Variants in VAV3 observed in about 807,000 individuals in gnomAD.
The protein encoded by VAV3 is vav guanine nucleotide exchange factor 3.
A neutral mutation model predicts 131.2 loss-of-function variants in VAV3; 94 were observed. The observed-to-expected ratio is 0.72, with a 90% CI of 0.61 to 0.85. The LOEUF (loss-of-function observed/expected upper bound fraction) is 0.85, where lower values mean the gene tolerates loss of function less well. Ranked by LOEUF, VAV3 falls within the 40% of genes least tolerant of loss-of-function variation. The pLI, the probability that VAV3 is intolerant of heterozygous loss-of-function variation, is 0.00. For synonymous variants in VAV3, 349 were observed against 342.0 expected (o/e 1.02, Z -0.22); for missense variants, 939 against 1,002.7 (o/e 0.94, Z 0.86).
chr1:107,672,706 G>C (rs1657908134), intron 19 of VAV3, among the ~76,000 whole-genome samples: 1 of 152,074 alleles, frequency 6.6e-6, no homozygotes, highest in African/African-American at 2.4e-5. Flanking sequence ...TGAATAGAAA[G>C]AGGGAGTAAG....
intron 1 of VAV3, among the ~76,000 whole-genome samples, chr1:107,908,321 C>T (rs1447047471): frequency 6.6e-6 from 1 of 152,150 alleles, no homozygotes; most frequent in Non-Finnish European, 1.5e-5. Flanking sequence ...CACTGTAGGG[C>T]TATAGGTGGC....
rs773013553 is a variant in VAV3 at position 107,874,959 on chromosome 1, A to G, written c.263T>C (p.Met88Thr). 6.2e-7 allele frequency: 1 copy of G among 1,613,448 alleles called. No homozygotes were observed. The highest frequency in any genetic ancestry group is 1.1e-5 in the South Asian group (1 of 91,076). ...TGCCTCGAAAAGTTCACTTTTCCTC[A>G]TTCCAAACGTCTCACAACAGGCCGT... ...FLTACCETFGMRKSELFEAFD... is the reference protein window; with the variant it reads ...FLTACCETFGTRKSELFEAFD... The change falls in exon 2 of 27, where the codon ATG becomes ACG. Residue 88 changes from methionine to threonine, a missense_variant. Coordinates refer to ENST00000370056, the MANE Select transcript of VAV3 (RefSeq NM_006113.5).
intron 2 of VAV3, among the ~76,000 whole-genome samples, chr1:107,793,564 G>A (rs1022702572): frequency 3.3e-5 from 5 of 152,176 alleles, no homozygotes; most frequent in Admixed American, 1.3e-4. Context: ...ACAAGGGAAC[G>A]GCTGAGTGGC....
chr1:107,575,184 G>T (rs979558808), intron 25 of VAV3, among the ~76,000 whole-genome samples: 4 of 152,236 alleles, frequency 2.6e-5, no homozygotes, highest in South Asian at 2.1e-4. Context: ...GCTCTTTGGG[G>T]TTATAAAGTG....
Position 107,718,175 on chromosome 1 carries a change from C to T in VAV3, c.1503-13114G>A, listed in dbSNP as rs577417886. Among the ~76,000 whole-genome samples the T allele has an allele frequency of 5.9e-5, 9 of 152,276 alleles. No individual in the cohort carries two copies. In the South Asian group the frequency reaches 1.9e-3, roughly 32 times the overall value. On this transcript the variant is annotated intron_variant, in intron 15 of 26. Coordinates refer to ENST00000370056, the MANE Select transcript of VAV3 (RefSeq NM_006113.5). ...ACAGGGATGCCCTCTCTCACCACTC[C>T]TATTCAACATACTGTTGGAAGTTCT...
chr1:107,750,823 A>G (rs1176977196), intron 13 of VAV3, among the ~76,000 whole-genome samples: 2 of 152,086 alleles, frequency 1.3e-5, no homozygotes, highest in Non-Finnish European at 1.5e-5. Flanking sequence ...TTATGTTTTT[A>G]TGGTAGTTAT....
At chr1:107,751,702 A>G (rs12129687) in intron 12 of VAV3, among the ~76,000 whole-genome samples, 51,252 of 151,930 alleles carry the variant, frequency 0.34, 9,082 homozygotes, top group East Asian at 0.5. Flanking sequence ...TTTGGTCTAT[A>G]AAGTCCAGGC....
At chr1:107,751,397 G>T (rs898159494) in intron 12 of VAV3, among the ~76,000 whole-genome samples, 195 bp from the exon 13 acceptor site, 5 of 152,158 alleles carry the variant, frequency 3.3e-5, no homozygotes, top group African/African-American at 1.2e-4. Flanking sequence ...AATCCCAGGG[G>T]GTATGTCAAG....
intron 20 of VAV3, among the ~76,000 whole-genome samples, chr1:107,627,772 T>C (rs1375584895): frequency 2.0e-5 from 3 of 152,122 alleles, no homozygotes; most frequent in African/African-American, 4.8e-5. Context: ...CACATTTAAA[T>C]CTGACAGATG....
intron 7 of VAV3, among the ~76,000 whole-genome samples, chr1:107,767,569 C>A (rs1664803513): frequency 6.6e-6 from 1 of 152,178 alleles, no homozygotes; most frequent in African/African-American, 2.4e-5. Context: ...AAATCAGGGA[C>A]AAGGATGACA....
At chr1:107,574,538 G>T (rs1033921120) in intron 25 of VAV3, among the ~76,000 whole-genome samples, 1 of 152,184 alleles carries the variant, frequency 6.6e-6, no homozygotes, top group African/African-American at 2.4e-5. Flanking sequence ...TAAGGAGATA[G>T]ATTCTAAAAT....
intron 15 of VAV3, among the ~76,000 whole-genome samples, chr1:107,706,542 CATTTTTGTGTTACTG>C: frequency 6.6e-6 from 1 of 152,106 alleles, no homozygotes; most frequent in East Asian, 1.9e-4. Context: ...TCCATGGAGG[CATTTTTGTGTTACTG>C]ATTAAAAATT....
chr1:107,587,432 T>C (rs752750559), intron 25 of VAV3, among the ~76,000 whole-genome samples: 8 of 152,148 alleles, frequency 5.3e-5, no homozygotes, highest in Admixed American at 1.3e-4. Flanking sequence ...AAACTGGGAA[T>C]TTCTCCCCAT....
intron 1 of VAV3, among the ~76,000 whole-genome samples, chr1:107,947,444 G>C (rs562035833): frequency 6.6e-6 from 1 of 152,182 alleles, no homozygotes; most frequent in Non-Finnish European, 1.5e-5. Context: ...AAGATCAGAG[G>C]ATGGTGTGGG....
chr1:107,835,831 C>T (rs1668454558), intron 2 of VAV3, among the ~76,000 whole-genome samples: 1 of 152,178 alleles, frequency 6.6e-6, no homozygotes, highest in African/African-American at 2.4e-5. Flanking sequence ...TGGACATACT[C>T]CACAACCCAT....
At chr1:107,575,000 TGCGCGCGCGC>T (rs1219875000) in intron 25 of VAV3, among the ~76,000 whole-genome samples, 2 of 103,858 alleles carry the variant, frequency 1.9e-5, no homozygotes, top group African/African-American at 7.5e-5. Context: ...TGTGCGTGCG[TGCGCGCGCGC>T]GCGCGCACAC....
chr1:107,589,940 A>C lies in VAV3; in HGVS notation c.2350+6272T>G, dbSNP rs150429946. On this transcript the variant is annotated intron_variant, in intron 25 of 26. Coordinates refer to ENST00000370056, the MANE Select transcript of VAV3 (RefSeq NM_006113.5). ...GAATAAGAATGCTACTTTATGTTCT[A>C]CTGAGTTAAATAAATACGACACAAA... Among the ~76,000 whole-genome samples the C allele has an allele frequency of 8.5e-5, 13 of 152,314 alleles. No homozygotes were observed. In the East Asian group the frequency reaches 2.1e-3, roughly 25 times the overall value.
In VAV3 at chr1:107,930,432, G is replaced by T. The variant is rs183206043; in HGVS notation, c.204+34234C>A. 1.2e-3 allele frequency among the ~76,000 whole-genome samples: 176 copies of T among 152,158 alleles called. 1 individual carries two copies. The highest frequency in any genetic ancestry group is 3.9e-3 in the African/African-American group (162 of 41,520). Reference sequence around the variant, plus strand: ...TGAGACTTAAAACAATAGAAAGTCTGCCCCTCCCCTCCAAAAAGAAATCAA... The same window carrying T: ...TGAGACTTAAAACAATAGAAAGTCTTCCCCTCCCCTCCAAAAAGAAATCAA... On this transcript the variant is annotated intron_variant, in intron 1 of 26. Transcript: ENST00000370056.
At chr1:107,898,716 A>G (rs1333733046) in intron 1 of VAV3, among the ~76,000 whole-genome samples, 1 of 152,216 alleles carries the variant, frequency 6.6e-6, no homozygotes, top group African/African-American at 2.4e-5. Context: ...TATCTCCTAT[A>G]AAAATATATC....
Sources: allele counts gnomAD v4.1 joint callset (sites outside exome capture counted in the v4.1 genomes callset), GRCh38; gene constraint gnomAD v4.1.1; transcripts MANE v1.5; gene names NCBI Gene and HGNC (gene_info 2026-07-23, HGNC 2026-07-21).